Variants in DOCK9 observed in about 807,000 individuals in gnomAD.
The protein encoded by DOCK9 is dedicator of cytokinesis 9, also known as dedicator of cytokinesis protein 9.
DOCK9 carries 89 observed loss-of-function variants against 263.3 expected under a neutral mutation model. That is an observed-to-expected ratio of 0.34 (90% CI 0.28 to 0.40). DOCK9 has a LOEUF of 0.40. DOCK9 is among the 10% of genes least tolerant of loss of function. The pLI, the probability that DOCK9 is intolerant of heterozygous loss-of-function variation, is 1.00. For missense variants in DOCK9, 2,140 were observed against 2,603.4 expected (o/e 0.82, Z 3.87); for synonymous variants, 976 against 973.1 (o/e 1.00, Z -0.06).
chr13:99,074,819 C>T (rs924390933), intron 1 of DOCK9, among the ~76,000 whole-genome samples: 6 of 152,164 alleles, frequency 3.9e-5, no homozygotes, highest in African/African-American at 1.2e-4. Context: ...TCTCTACTTA[C>T]GTTAAATTTT....
chr13:98,806,353 T>C (rs572320438), intron 48 of DOCK9, among the ~76,000 whole-genome samples: 2 of 152,354 alleles, frequency 1.3e-5, no homozygotes, highest in South Asian at 4.1e-4. Context: ...ACATAGGCAA[T>C]TCCTATGCAG....
chr13:99,021,800 C>G (rs911545219), intron 1 of DOCK9, among the ~76,000 whole-genome samples: 8 of 151,850 alleles, frequency 5.3e-5, no homozygotes, highest in African/African-American at 1.9e-4. Flanking sequence ...AGTTGAACAC[C>G]GGGGCCTGTC....
At position 98,969,767 on chromosome 13, in the gene DOCK9, G is replaced by A. The variant is rs1595734252; in HGVS notation, c.126+8017C>T. On this transcript the variant is annotated intron_variant, in intron 1 of 52. Coordinates refer to ENST00000682017, the MANE Select transcript of DOCK9 (RefSeq NM_001366683.2). ...TATCCTTTTAACCAGGGCAGTGCATGCCAGGCAAAGGCAGAGCTGTGCCCA... is the reference window on the plus strand; with the variant it reads ...TATCCTTTTAACCAGGGCAGTGCATACCAGGCAAAGGCAGAGCTGTGCCCA... Among the ~76,000 whole-genome samples, 3 of 152,340 alleles carry A rather than the reference G, an allele frequency of 2.0e-5. No homozygotes were observed. The South Asian group carries it at 6.2e-4, about 32-fold the overall frequency.
At chr13:99,029,892 C>A (rs1292438596) in intron 1 of DOCK9, among the ~76,000 whole-genome samples, 1 of 152,192 alleles carries the variant, frequency 6.6e-6, no homozygotes. Context: ...AAATGTCTAT[C>A]AACTGGTAAA....
intron 1 of DOCK9, among the ~76,000 whole-genome samples, chr13:99,063,912 A>T (rs2041305262): frequency 6.6e-6 from 1 of 152,062 alleles, no homozygotes; most frequent in African/African-American, 2.4e-5. Flanking sequence ...CGCAGGTTTC[A>T]CGCTGAGGAG....
chr13:99,001,214 T>G (rs1321346400), intron 1 of DOCK9, among the ~76,000 whole-genome samples: 2 of 152,230 alleles, frequency 1.3e-5, no homozygotes, highest in Non-Finnish European at 2.9e-5. Flanking sequence ...TACATTTACT[T>G]GCTGGTACGA....
chr13:98,881,502 G>A, intron 25 of DOCK9, 56 bp downstream of exon 25: 1 of 1,447,924 alleles, frequency 6.9e-7, no homozygotes, highest in Non-Finnish European at 9.4e-7. Flanking sequence ...TAAGTCCTTA[G>A]AAGGAAAACT....
At chr13:98,927,621 A>ATT (rs754451667) in intron 3 of DOCK9, among the ~76,000 whole-genome samples, 1 of 55,672 alleles carries the variant, frequency 1.8e-5, no homozygotes, top group African/African-American at 8.3e-5. Context: ...ATTTTTATTT[A>ATT]TTTATTTATT....
intron 1 of DOCK9, among the ~76,000 whole-genome samples, chr13:99,036,965 T>C (rs561439897): frequency 1.3e-5 from 2 of 152,308 alleles, no homozygotes; most frequent in South Asian, 4.2e-4. Context: ...TAGTATAGGC[T>C]CTGCAAATAT....
intron 30 of DOCK9, among the ~76,000 whole-genome samples, chr13:98,866,798 G>A (rs2094039578): frequency 6.6e-6 from 1 of 152,192 alleles, no homozygotes; most frequent in South Asian, 2.1e-4. Flanking sequence ...GGGTGAAGCA[G>A]GGATGTTTGT....
chr13:98,863,278 T>C, intron 31 of DOCK9, 92 bp downstream of exon 31: 5 of 1,526,350 alleles, frequency 3.3e-6, no homozygotes, highest in South Asian at 2.5e-5. Context: ...CTTAGTGCTG[T>C]TACCATGAAT....
chr13:98,908,518 T>C (rs371331764), intron 9 of DOCK9, among the ~76,000 whole-genome samples: 72 of 152,292 alleles, frequency 4.7e-4, no homozygotes, highest in South Asian at 3.3e-3. Context: ...GTAGCAATAG[T>C]TGAAATATCA....
chr13:98,993,369 A>G (rs1190866866), intron 1 of DOCK9, among the ~76,000 whole-genome samples: 1 of 152,250 alleles, frequency 6.6e-6, no homozygotes, highest in East Asian at 1.9e-4. Flanking sequence ...GCAGAGTAAC[A>G]TTCGCCTTCA....
At chr13:98,970,850 T>G (rs1426259227) in intron 1 of DOCK9, among the ~76,000 whole-genome samples, 1 of 151,892 alleles carries the variant, frequency 6.6e-6, no homozygotes, top group African/African-American at 2.4e-5. Context: ...TCTTGTTATC[T>G]CCTGCCTAGA....
chr13:99,032,288 T>C (rs1324670766), intron 1 of DOCK9, among the ~76,000 whole-genome samples: 2 of 151,798 alleles, frequency 1.3e-5, no homozygotes, highest in East Asian at 1.9e-4. Context: ...CTGGGCAACA[T>C]AGTGAAACCC....
intron 45 of DOCK9, among the ~76,000 whole-genome samples, chr13:98,823,559 C>A (rs537528921): frequency 6.6e-6 from 1 of 152,176 alleles, no homozygotes; most frequent in African/African-American, 2.4e-5. Context: ...AATTGGACAA[C>A]TTCAATTTCC....
At chr13:98,830,949 G>T (rs1294384089) in intron 41 of DOCK9, among the ~76,000 whole-genome samples, 1 of 152,246 alleles carries the variant, frequency 6.6e-6, no homozygotes, top group African/African-American at 2.4e-5. Context: ...TCAGAGCAGA[G>T]AATTTAGGAT....
At chr13:98,895,689 A>C (rs2047323992) in intron 15 of DOCK9, among the ~76,000 whole-genome samples, 1 of 152,096 alleles carries the variant, frequency 6.6e-6, no homozygotes, top group Non-Finnish European at 1.5e-5. Flanking sequence ...AGTTCTCCAA[A>C]AGTTCACCAC....
At chr13:98,937,231 A>T (rs1305529147) in intron 2 of DOCK9, among the ~76,000 whole-genome samples, 1 of 152,220 alleles carries the variant, frequency 6.6e-6, no homozygotes, top group Non-Finnish European at 1.5e-5. Flanking sequence ...ATTTCACACC[A>T]TAATTAGTGT....
Sources: gnomAD v4.1 joint callset for allele counts (sites outside exome capture counted in the v4.1 genomes callset) on GRCh38, gnomAD v4.1.1 for gene constraint, MANE v1.5 for transcripts, NCBI Gene and HGNC (gene_info 2026-07-23, HGNC 2026-07-21) for gene names.